The following RALGAPA2 variants were observed in gnomAD, a reference collection of about 807,000 sequenced individuals.
The protein encoded by RALGAPA2 is Ral GTPase activating protein catalytic subunit alpha 2.
Under a neutral mutation model 230.4 loss-of-function variants are expected in RALGAPA2, and 139 were observed. The observed-to-expected ratio is 0.60, with a 90% CI of 0.53 to 0.69. The LOEUF is 0.69. RALGAPA2 is among the 30% of genes least tolerant of loss of function. RALGAPA2 has a pLI of 0.00. For synonymous variants in RALGAPA2, 847 were observed against 837.8 expected (o/e 1.01, Z -0.19); for missense variants, 2,163 against 2,276.0 (o/e 0.95, Z 1.01).
At chr20:20,596,112 A>C (rs1683842135) in intron 16 of RALGAPA2, among the ~76,000 whole-genome samples, 2 of 152,200 alleles carry the variant, frequency 1.3e-5, no homozygotes, top group Non-Finnish European at 2.9e-5. Flanking sequence ...ATATTAATGG[A>C]AACAGGTGGT....
chr20:20,598,770 C>T, intron 16 of RALGAPA2: 1 of 456,360 alleles, frequency 2.2e-6, no homozygotes, highest in South Asian at 1.6e-5. Context: ...TAGTGGCAGG[C>T]AAAGCCTCAG....
Position 20,536,724 on chromosome 20 carries a change from G to A in RALGAPA2, c.3346C>T (p.Gln1116Ter), listed in dbSNP as rs1250252318. The change falls in exon 25 of 40, where the codon CAG becomes TAG. Residue 1116 changes from glutamine to a stop codon, truncating the protein, a stop_gained. Coordinates refer to ENST00000202677, the MANE Select transcript of RALGAPA2 (RefSeq NM_020343.4). LOFTEE classifies it high-confidence loss of function. ...GSLVCFPNTY[Q>*]EIPLLQSVPE... ...ACTGACTGCAGTAAAGGAATCTCCT[G>A]GTAGGTATTTGGAAAGCAGACCAGA... is the stretch of plus-strand genomic sequence containing the variant. 1 of 1,612,904 alleles carries A rather than the reference G, an allele frequency of 6.2e-7. No individual in the cohort carries two copies. The highest frequency in any genetic ancestry group is 1.3e-5 in the African/African-American group (1 of 74,892).
Position 20,535,757 on chromosome 20 carries a change from T to C in RALGAPA2, c.3461A>G (p.Asn1154Ser). 6.5e-7 allele frequency: 1 copy of C among 1,548,814 alleles called. No homozygotes were observed. Among genetic ancestry groups the C allele is most frequent in the Non-Finnish European group, 8.7e-7 (1 of 1,145,730 alleles). The change falls in exon 26 of 40, where the codon AAT (asparagine) becomes AGT (serine). Residue 1154 changes from asparagine (N) to serine (S), a missense_variant. Coordinates refer to ENST00000202677, the MANE Select transcript of RALGAPA2 (RefSeq NM_020343.4). Reference sequence around the variant, plus strand: ...ATTCAACATTTACCTTGCATATTCATTTGGTTCTTCTGTGGCATTCTTCAG... The same window carrying C: ...ATTCAACATTTACCTTGCATATTCACTTGGTTCTTCTGTGGCATTCTTCAG... The part of the protein sequence containing the change: ...ILLKNATEEP[N>S]EYARCIAVCS...
At chr20:20,458,873 TATACACACAC>T (rs1226345764) in intron 37 of RALGAPA2, among the ~76,000 whole-genome samples, 1 of 134,554 alleles carries the variant, frequency 7.4e-6, no homozygotes, top group African/African-American at 3.0e-5. Context: ...TATATATATA[TATACACACAC>T]ACAAATAAAT....
intron 36 of RALGAPA2, among the ~76,000 whole-genome samples, chr20:20,482,874 T>C (rs1176868233): frequency 6.6e-6 from 1 of 152,214 alleles, no homozygotes; most frequent in Non-Finnish European, 1.5e-5. Context: ...CCAGATGATA[T>C]GGGACTTGAT....
chr20:20,518,801 T>C (rs148207745), intron 31 of RALGAPA2, among the ~76,000 whole-genome samples: 238 of 152,316 alleles, frequency 1.6e-3, no homozygotes, highest in African/African-American at 5.5e-3. Context: ...AGCCATGTTT[T>C]GGGGATATAC....
chr20:20,660,387 T>C (rs1015009303), intron 3 of RALGAPA2, among the ~76,000 whole-genome samples: 3 of 152,230 alleles, frequency 2.0e-5, no homozygotes, highest in African/African-American at 7.2e-5. Context: ...TTTCCTTAGC[T>C]GACTGACCTG....
chr20:20,531,574 T>G (rs1345392897), intron 27 of RALGAPA2, 113 bp downstream of exon 27: 1 of 943,202 alleles, frequency 1.1e-6, no homozygotes, highest in Non-Finnish European at 1.6e-6. Context: ...GCAATGGGAA[T>G]CACAATCCCT....
At chr20:20,706,095 A>T (rs1179325150) in intron 1 of RALGAPA2, among the ~76,000 whole-genome samples, 1 of 152,264 alleles carries the variant, frequency 6.6e-6, no homozygotes, top group Non-Finnish European at 1.5e-5. Flanking sequence ...TTACAAAATA[A>T]AAATCCAAAT....
intron 37 of RALGAPA2, among the ~76,000 whole-genome samples, chr20:20,455,348 T>G (rs1433743723): frequency 1.3e-5 from 2 of 152,126 alleles, no homozygotes; most frequent in Non-Finnish European, 2.9e-5. Context: ...AGATGCAGAG[T>G]GGCACTCCTT....
In RALGAPA2 at chr20:20,633,649, G is replaced by A. The variant is rs541053282; in HGVS notation, c.1005+1769C>T. On this transcript the variant is annotated intron_variant, in intron 9 of 39. Transcript: ENST00000202677. ...ACTACAGGTACCCGCCACCACGCCC[G>A]GCTAATTTTTACTAGAGATGGGGTT... Among the ~76,000 whole-genome samples, 28 of 151,772 alleles carry A rather than the reference G, an allele frequency of 1.8e-4. No individual in the cohort carries two copies. The East Asian group carries it at 2.0e-3, about 11-fold the overall frequency.
At chr20:20,709,174 C>T (rs1280787396) in intron 1 of RALGAPA2, among the ~76,000 whole-genome samples, 2 of 152,096 alleles carry the variant, frequency 1.3e-5, no homozygotes, top group African/African-American at 4.8e-5. Context: ...CAAAAATTAG[C>T]CAGGCATGGT....
chr20:20,643,585 T>C (rs745701817), intron 4 of RALGAPA2, 36 bp from the exon 5 acceptor site: 12 of 1,366,978 alleles, frequency 8.8e-6, no homozygotes, highest in South Asian at 1.4e-5. Context: ...AAATAGAGTA[T>C]ATAAATGCAT....
In RALGAPA2 at chr20:20,584,855, C is replaced by T. The variant is rs770212065; in HGVS notation, c.2530+10G>A. The stretch of plus-strand genomic sequence containing the variant: ...TGTAGTTGGAGGAACAGACATTTCC[C>T]GGAACTTACTCTTCTGTCTTTCCCT... On this transcript the variant is annotated intron_variant, in intron 19 of 39. Coordinates refer to ENST00000202677, the MANE Select transcript of RALGAPA2 (RefSeq NM_020343.4). 36 of 1,584,402 alleles carry T rather than the reference C, an allele frequency of 2.3e-5. No homozygotes were observed. The highest frequency in any genetic ancestry group is 5.0e-5 in the Admixed American group (3 of 59,640).
In RALGAPA2 at chr20:20,464,773, G is replaced by A. The variant is rs182545836; in HGVS notation, c.5495+8056C>T. On this transcript the variant is annotated intron_variant, in intron 37 of 39. Transcript: ENST00000202677. Reference sequence around the variant, plus strand: ...GATAATGTTAGAATGATTATTTAGAGCACAATAAAAATATGCACAAAACAC... The same window carrying A: ...GATAATGTTAGAATGATTATTTAGAACACAATAAAAATATGCACAAAACAC... Among the ~76,000 whole-genome samples, 28 of 152,148 alleles carry A rather than the reference G, an allele frequency of 1.8e-4. No individual in the cohort carries two copies. The East Asian group carries it at 3.3e-3, about 18-fold the overall frequency.
intron 37 of RALGAPA2, among the ~76,000 whole-genome samples, chr20:20,412,742 TA>T (rs112887296): frequency 2.7e-5 from 4 of 148,196 alleles, no homozygotes; most frequent in Non-Finnish European, 1.5e-5. Flanking sequence ...CAGTGCAATT[TA>T]AAAAAAAAAG....
At chr20:20,431,655 T>A (rs767237820) in intron 37 of RALGAPA2, among the ~76,000 whole-genome samples, 39 of 152,272 alleles carry the variant, frequency 2.6e-4, no homozygotes, top group Non-Finnish European at 4.6e-4. Flanking sequence ...TAGGTAATAA[T>A]GTATTATAGA....
intron 37 of RALGAPA2, among the ~76,000 whole-genome samples, chr20:20,447,692 C>T (rs999604742): frequency 6.6e-6 from 1 of 151,862 alleles, no homozygotes; most frequent in African/African-American, 2.4e-5. Flanking sequence ...GCACTTCAAC[C>T]CAACATAAAA....
At chr20:20,579,482 G>C (rs1014313429) in intron 20 of RALGAPA2, among the ~76,000 whole-genome samples, 1 of 152,090 alleles carries the variant, frequency 6.6e-6, no homozygotes, top group African/African-American at 2.4e-5. Flanking sequence ...TTATCACTGA[G>C]CTAACAAGAA....
Sources: gnomAD v4.1 joint callset for allele counts (sites outside exome capture counted in the v4.1 genomes callset) on GRCh38, gnomAD v4.1.1 for gene constraint, MANE v1.5 for transcripts, NCBI Gene and HGNC (gene_info 2026-07-23, HGNC 2026-07-21) for gene names.